Variants in ADAD1 observed in about 807,000 individuals in gnomAD.
ADAD1 encodes adenosine deaminase domain-containing protein 1.
ADAD1 carries 46 observed loss-of-function variants against 66.8 expected under a neutral mutation model. The ratio of observed to expected loss-of-function variants is 0.69; its 90% confidence interval spans 0.54 to 0.88. The LOEUF (loss-of-function observed/expected upper bound fraction) is 0.88. ADAD1 is among the 40% of genes least tolerant of loss of function. ADAD1 has a pLI of 0.00. For synonymous variants in ADAD1, 248 were observed against 229.4 expected, an observed-to-expected ratio of 1.08 and a Z score of -0.73; for missense variants, 617 against 681.8, an observed-to-expected ratio of 0.91 and a Z score of 1.06.
At chr4:122,405,384 G>T (rs1796161017) in intron 7 of ADAD1, among the ~76,000 whole-genome samples, 1 of 152,134 alleles carries the variant, frequency 6.6e-6, no homozygotes. Flanking sequence ...GCTCCTGACA[G>T]CCACTGTGTC....
intron 6 of ADAD1, among the ~76,000 whole-genome samples, chr4:122,395,210 C>T (rs1223558100): frequency 1.3e-5 from 2 of 152,022 alleles, no homozygotes; most frequent in African/African-American, 4.8e-5. Flanking sequence ...ACCACCATGC[C>T]TGGCTAATTT....
In ADAD1 at chr4:122,396,261, A is replaced by G. The variant is rs1795708843; in HGVS notation, c.608A>G (p.His203Arg). The G allele has an allele frequency of 1.9e-6, 3 of 1,587,746 alleles. No individual in the cohort carries two copies. The highest frequency in any genetic ancestry group is 1.2e-5 in the South Asian group (1 of 84,946). The change falls in exon 7 of 13, where the codon CAT becomes CGT. Residue 203 changes from histidine to arginine, a missense_variant. Transcript: ENST00000296513. Reference protein sequence around the residue: ...YVSKVHYEGRHIQYAKISQIV... With the variant: ...YVSKVHYEGRRIQYAKISQIV... ...TTTGATTTTTTTCTAGAAGGGAGACATATTCAATATGCAAAGATTTCACAG... is the reference window on the plus strand; with the variant it reads ...TTTGATTTTTTTCTAGAAGGGAGACGTATTCAATATGCAAAGATTTCACAG...
intron 7 of ADAD1, among the ~76,000 whole-genome samples, chr4:122,402,199 G>T (rs1012606624): frequency 2.0e-5 from 3 of 151,996 alleles, no homozygotes; most frequent in Non-Finnish European, 4.4e-5. Flanking sequence ...TCGCAGTGGT[G>T]AATTCTCTTA....
intron 4 of ADAD1, among the ~76,000 whole-genome samples, chr4:122,381,587 T>C (rs1229007996): frequency 1.3e-5 from 2 of 152,160 alleles, no homozygotes; most frequent in African/African-American, 4.8e-5. Context: ...AGCATTAGAT[T>C]ATATGATTGG....
At chr4:122,423,471 A>C (rs900154556) in intron 12 of ADAD1, among the ~76,000 whole-genome samples, 1 of 152,244 alleles carries the variant, frequency 6.6e-6, no homozygotes, top group Non-Finnish European at 1.5e-5. Context: ...GATACTTGAG[A>C]GCTGACTGTA....
chr4:122,399,216 CTG>C (rs1795855201), intron 7 of ADAD1, among the ~76,000 whole-genome samples: 1 of 152,066 alleles, frequency 6.6e-6, no homozygotes, highest in South Asian at 2.1e-4. Context: ...GCATCATTTG[CTG>C]AATAGGATGT....
At chr4:122,425,676 A>T (rs1228986575) in intron 12 of ADAD1, among the ~76,000 whole-genome samples, 1 of 151,884 alleles carries the variant, frequency 6.6e-6, no homozygotes, top group African/African-American at 2.4e-5. Flanking sequence ...CATTGAATTT[A>T]TATTGTATTA....
intron 11 of ADAD1, 51 bp downstream of exon 11, chr4:122,415,667 C>A: frequency 6.9e-7 from 1 of 1,452,064 alleles, no homozygotes; most frequent in Non-Finnish European, 9.5e-7. Context: ...CAAAAGAAGA[C>A]ATTTTATTGC....
At chr4:122,423,203 A>C (rs1797086789) in intron 12 of ADAD1, among the ~76,000 whole-genome samples, 1 of 152,148 alleles carries the variant, frequency 6.6e-6, no homozygotes, top group South Asian at 2.1e-4. Flanking sequence ...CAGGGGAATG[A>C]AAGTTTGCAG....
intron 12 of ADAD1, among the ~76,000 whole-genome samples, chr4:122,423,572 A>G (rs1797105999): frequency 6.6e-6 from 1 of 152,216 alleles, no homozygotes; most frequent in African/African-American, 2.4e-5. Context: ...TATTAGCAAC[A>G]GTGGAGGCCA....
At chr4:122,420,110 C>CA (rs1025479494) in intron 11 of ADAD1, among the ~76,000 whole-genome samples, 5 of 151,860 alleles carry the variant, frequency 3.3e-5, no homozygotes, top group Admixed American at 2.0e-4. Context: ...TATTTATATC[C>CA]AAAAATCAAG....
At chr4:122,418,615 A>G (rs2150595204) in intron 11 of ADAD1, among the ~76,000 whole-genome samples, 1 of 151,940 alleles carries the variant, frequency 6.6e-6, no homozygotes, top group Non-Finnish European at 1.5e-5. Context: ...AGCCACCAAT[A>G]AACGTTATTT....
chr4:122,412,645 T>C lies in ADAD1; in HGVS notation c.1085T>C (p.Val362Ala). ...GAAGAACTCTGTCTCCACGTGGCTGTTGAAGGCAAAATTTATCTGACTGTT... is the reference window on the plus strand; with the variant it reads ...GAAGAACTCTGTCTCCACGTGGCTGCTGAAGGCAAAATTTATCTGACTGTT... ...ANEELCLHVA[V>A]EGKIYLTVYC... The change falls in exon 10 of 13, where the codon GTT (valine) becomes GCT (alanine). Residue 362 changes from valine to alanine, a missense_variant. By Grantham distance (64) the Val-to-Ala change is moderately conservative. Coordinates refer to ENST00000296513, the MANE Select transcript of ADAD1 (RefSeq NM_139243.4). The C allele has an allele frequency of 6.2e-7, 1 of 1,613,938 alleles. No individual in the cohort carries two copies. The highest frequency in any genetic ancestry group is 8.5e-7 in the Non-Finnish European group (1 of 1,179,816).
chr4:122,415,256 A>G (rs1370186857), intron 10 of ADAD1, 123 bp from the exon 11 acceptor site: 5 of 707,374 alleles, frequency 7.1e-6, no homozygotes, highest in Non-Finnish European at 1.2e-5. Flanking sequence ...AGAACTAGGA[A>G]AGGGAAGGTT....
intron 7 of ADAD1, among the ~76,000 whole-genome samples, chr4:122,403,516 C>T (rs1796068914): frequency 6.6e-6 from 1 of 152,172 alleles, no homozygotes; most frequent in South Asian, 2.1e-4. Context: ...AGGACCTCTG[C>T]TTAGCCAGGA....
chr4:122,413,112 C>G (rs148662775), intron 10 of ADAD1, among the ~76,000 whole-genome samples: 1 of 152,138 alleles, frequency 6.6e-6, no homozygotes, highest in African/African-American at 2.4e-5. Context: ...AGATCAGAGA[C>G]ACAGGGAAAT....
chr4:122,411,180 T>C, intron 8 of ADAD1, 42 bp from the exon 9 acceptor site: 1 of 1,453,740 alleles, frequency 6.9e-7, no homozygotes, highest in Non-Finnish European at 9.3e-7. Flanking sequence ...ATATATCTTT[T>C]ATAAAGTTTA....
chr4:122,380,637 A>C, intron 3 of ADAD1: 1 of 307,594 alleles, frequency 3.3e-6, no homozygotes, highest in Non-Finnish European at 5.9e-6. Context: ...TGGGAGCCAG[A>C]AGCTACGTTT....
chr4:122,382,160 T>C (rs1794930157), intron 4 of ADAD1, among the ~76,000 whole-genome samples: 1 of 152,326 alleles, frequency 6.6e-6, no homozygotes, highest in Non-Finnish European at 1.5e-5. Context: ...TTGGAAAATG[T>C]AAACTGTTGG....
Sources: gnomAD v4.1 joint callset for allele counts (sites outside exome capture counted in the v4.1 genomes callset) on GRCh38, gnomAD v4.1.1 for gene constraint, MANE v1.5 for transcripts, NCBI Gene and HGNC (gene_info 2026-07-23, HGNC 2026-07-21) for gene names.